SPPL3: variants seen among roughly 807,000 people sequenced by gnomAD.
SPPL3 encodes the protein signal peptide peptidase like 3.
In SPPL3, 5 loss-of-function variants were observed where a neutral mutation model predicts 42.4. The observed-to-expected ratio is 0.12, with a 90% CI of 0.06 to 0.25. The LOEUF (loss-of-function observed/expected upper bound fraction) is 0.25, where lower values mean the gene tolerates loss of function less well. Ranked by LOEUF, SPPL3 falls within the 10% of genes least tolerant of loss-of-function variation. The pLI, the probability that SPPL3 is intolerant of heterozygous loss-of-function variation, is 1.00. For missense variants in SPPL3, 235 were observed against 489.0 expected (o/e 0.48, Z 4.90); for synonymous variants, 195 against 181.8 (o/e 1.07, Z -0.58).
At chr12:120,821,532 G>GA (rs969276630) in intron 1 of SPPL3, among the ~76,000 whole-genome samples, 25 of 150,554 alleles carry the variant, frequency 1.7e-4, no homozygotes, top group South Asian at 4.2e-4. Context: ...CTTATTTACA[G>GA]AAAAAAAAAA....
At chr12:120,799,889 C>G (rs888540986) in intron 2 of SPPL3, among the ~76,000 whole-genome samples, 8 of 152,208 alleles carry the variant, frequency 5.3e-5, no homozygotes, top group Non-Finnish European at 1.2e-4. Context: ...CACTGCACAG[C>G]TGACAGCAAA....
chr12:120,863,650 T>C (rs1872677317), intron 1 of SPPL3, among the ~76,000 whole-genome samples: 1 of 152,168 alleles, frequency 6.6e-6, no homozygotes, highest in Admixed American at 6.5e-5. Flanking sequence ...CTACAGATGG[T>C]AGGTTTTTTA....
At chr12:120,776,554 A>G (rs1352973278) in intron 6 of SPPL3, among the ~76,000 whole-genome samples, 2 of 152,064 alleles carry the variant, frequency 1.3e-5, no homozygotes, top group Non-Finnish European at 2.9e-5. Flanking sequence ...TGTGAAAAGA[A>G]TGTCACCTTC....
At chr12:120,836,910 T>C (rs757467323) in intron 1 of SPPL3, among the ~76,000 whole-genome samples, 2 of 152,146 alleles carry the variant, frequency 1.3e-5, no homozygotes, top group Non-Finnish European at 2.9e-5. Flanking sequence ...AATGCCAATA[T>C]CCTGATTGTG....
At chr12:120,793,277 A>G (rs1869983078) in intron 2 of SPPL3, among the ~76,000 whole-genome samples, 1 of 152,218 alleles carries the variant, frequency 6.6e-6, no homozygotes, top group Non-Finnish European at 1.5e-5. Flanking sequence ...TGAGAGGCTG[A>G]GGCAAGAGGC....
intron 1 of SPPL3, among the ~76,000 whole-genome samples, chr12:120,853,088 G>A (rs964957390): frequency 1.3e-5 from 2 of 151,440 alleles, no homozygotes; most frequent in African/African-American, 4.9e-5. Flanking sequence ...GTGGAGACAG[G>A]GTTTGACTGT....
At chr12:120,829,906 AT>A (rs1871343226) in intron 1 of SPPL3, among the ~76,000 whole-genome samples, 1 of 151,730 alleles carries the variant, frequency 6.6e-6, no homozygotes, top group African/African-American at 2.4e-5. Flanking sequence ...AGACAGGAGA[AT>A]CACTTGAATG....
intron 1 of SPPL3, among the ~76,000 whole-genome samples, chr12:120,888,187 T>C (rs1377661224): frequency 6.6e-6 from 1 of 152,186 alleles, no homozygotes; most frequent in African/African-American, 2.4e-5. Context: ...GTGATTCTCC[T>C]ACCTCAGCCT....
intron 1 of SPPL3, among the ~76,000 whole-genome samples, chr12:120,842,927 C>A (rs1201692234): frequency 6.6e-6 from 1 of 152,146 alleles, no homozygotes; most frequent in African/African-American, 2.4e-5. Flanking sequence ...GAAGGACCTG[C>A]TGATTAGTGA....
At chr12:120,773,614 G>A (rs1268533611) in intron 6 of SPPL3, among the ~76,000 whole-genome samples, 2 of 152,126 alleles carry the variant, frequency 1.3e-5, no homozygotes, top group Non-Finnish European at 2.9e-5. Flanking sequence ...ACATGTAGAC[G>A]ACCTGTCCCT....
At chr12:120,791,330 AC>A (rs1419411102) in intron 3 of SPPL3, 138 bp downstream of exon 3, 1 of 564,638 alleles carries the variant, frequency 1.8e-6, no homozygotes, top group Non-Finnish European at 3.0e-6. Flanking sequence ...CGTAAAATTC[AC>A]TCATTTTAAG....
At chr12:120,893,634 T>TA (rs1305831749) in intron 1 of SPPL3, among the ~76,000 whole-genome samples, 1 of 152,160 alleles carries the variant, frequency 6.6e-6, no homozygotes, top group Non-Finnish European at 1.5e-5. Flanking sequence ...TGACTTCCTT[T>TA]ACAAATTCAA....
intron 1 of SPPL3, among the ~76,000 whole-genome samples, chr12:120,901,371 T>C (rs907339380): frequency 6.6e-6 from 1 of 151,782 alleles, no homozygotes; most frequent in African/African-American, 2.4e-5. Flanking sequence ...GGTGGGCAGA[T>C]CACTGGGTCA....
intron 6 of SPPL3, among the ~76,000 whole-genome samples, chr12:120,781,090 A>G (rs1483866444): frequency 1.3e-5 from 2 of 152,166 alleles, no homozygotes; most frequent in Admixed American, 1.3e-4. Context: ...TACCTACTTC[A>G]AAGAGTTGTT....
Position 120,873,314 on chromosome 12 carries a change from G to C in SPPL3, c.23+30531C>G, listed in dbSNP as rs1011164224. On this transcript the variant is annotated intron_variant, in intron 1 of 10. Coordinates refer to ENST00000353487, the MANE Select transcript of SPPL3 (RefSeq NM_139015.5). ...AAAGCCTAAGTAACCTGTGGAACAC[G>C]ATCAAGTGGTCTAACACAGCTGAAC... Among the ~76,000 whole-genome samples, 7 of 152,200 alleles carry C rather than the reference G, an allele frequency of 4.6e-5. No individual in the cohort carries two copies. The South Asian group carries it at 1.5e-3, about 32-fold the overall frequency.
chr12:120,803,882 G>C (rs1870407260), intron 2 of SPPL3, among the ~76,000 whole-genome samples: 1 of 117,158 alleles, frequency 8.5e-6, no homozygotes, highest in Admixed American at 1.0e-4. Context: ...AAAAAGGGTA[G>C]CTCAAAAGTT....
chr12:120,823,568 T>C (rs1358219367), intron 1 of SPPL3, among the ~76,000 whole-genome samples: 1 of 152,196 alleles, frequency 6.6e-6, no homozygotes, highest in Non-Finnish European at 1.5e-5. Context: ...GGCTCCGTAT[T>C]TTCTCCTTCT....
intron 1 of SPPL3, among the ~76,000 whole-genome samples, chr12:120,882,238 C>T (rs1006080218): frequency 1.1e-4 from 16 of 151,956 alleles, no homozygotes; most frequent in African/African-American, 3.4e-4. Flanking sequence ...TCAGTACTAT[C>T]GGCAGTTTCA....
At chr12:120,770,711 G>A (rs931216815) in intron 6 of SPPL3, among the ~76,000 whole-genome samples, 4 of 152,024 alleles carry the variant, frequency 2.6e-5, no homozygotes, top group Non-Finnish European at 4.4e-5. Flanking sequence ...AGAACTCCAC[G>A]GGCCTTTCCT....
Sources: gnomAD v4.1 joint callset for allele counts (sites outside exome capture counted in the v4.1 genomes callset) on GRCh38, gnomAD v4.1.1 for gene constraint, MANE v1.5 for transcripts, NCBI Gene and HGNC (gene_info 2026-07-23, HGNC 2026-07-21) for gene names.